The following MCPH1 variants were observed in gnomAD, a reference collection of about 807,000 sequenced individuals.
MCPH1 encodes microcephalin 1.
In MCPH1, 104 loss-of-function variants were observed where a neutral mutation model predicts 84.5. The ratio of observed to expected loss-of-function variants is 1.23; its 90% confidence interval spans 1.05 to 1.45. The LOEUF (loss-of-function observed/expected upper bound fraction) is 1.45. Among genes scored for constraint, MCPH1 ranks in the 40% most tolerant of loss-of-function variants. The probability of loss-of-function intolerance (pLI) is 0.00; values close to 1 mark genes in which losing one functional copy is unlikely to be tolerated. For synonymous variants in MCPH1, 514 were observed against 366.8 expected (o/e 1.40, Z -4.58); for missense variants, 1,498 against 1,005.7 (o/e 1.49, Z -6.62).
intron 8 of MCPH1, chr8:6,447,530 A>G (rs1804575928): frequency 1.5e-6 from 1 of 667,036 alleles, no homozygotes; most frequent in Non-Finnish European, 1.9e-6. Context: ...GCGAGAAACA[A>G]TTTTGGTTTT....
intron 13 of MCPH1, among the ~76,000 whole-genome samples, chr8:6,627,619 G>T (rs539563012): frequency 6.6e-6 from 1 of 152,196 alleles, no homozygotes; most frequent in Non-Finnish European, 1.5e-5. Flanking sequence ...AGCCAGGTGC[G>T]GTGGCCCATG....
intron 12 of MCPH1, among the ~76,000 whole-genome samples, chr8:6,581,631 T>G (rs1827573876): frequency 6.6e-6 from 1 of 152,220 alleles, no homozygotes; most frequent in East Asian, 1.9e-4. Flanking sequence ...GCAGACTGTG[T>G]GTGGCTAAAT....
At chr8:6,509,082 A>G (rs948286130) in intron 12 of MCPH1, 1 of 1,610,850 alleles carries the variant, frequency 6.2e-7, no homozygotes, top group Non-Finnish European at 8.5e-7. Context: ...TGCAAAGAAA[A>G]AAAACACATT....
At chr8:6,491,634 C>A (rs1236471282) in intron 11 of MCPH1, among the ~76,000 whole-genome samples, 6 of 152,046 alleles carry the variant, frequency 3.9e-5, no homozygotes, top group African/African-American at 1.2e-4. Flanking sequence ...ACTCCCCCGA[C>A]CCCACAACAG....
chr8:6,630,781 TAAAAAAAAAAAACAA>T (rs1797100626), intron 13 of MCPH1, among the ~76,000 whole-genome samples: 1 of 58,334 alleles, frequency 1.7e-5, no homozygotes, highest in Non-Finnish European at 3.5e-5. Context: ...AACTCTGTCC[TAAAAAAAAAAAACAA>T]AAAAAAAAAA....
At chr8:6,506,929 C>T (rs1436540604) in intron 12 of MCPH1, among the ~76,000 whole-genome samples, 1 of 151,868 alleles carries the variant, frequency 6.6e-6, no homozygotes, top group Non-Finnish European at 1.5e-5. Flanking sequence ...CGGAGTCTCA[C>T]TCTTGTCGTC....
At chr8:6,601,807 A>ACCCAATCACAT (rs1359063074) in intron 12 of MCPH1, among the ~76,000 whole-genome samples, 1 of 151,710 alleles carries the variant, frequency 6.6e-6, no homozygotes, top group African/African-American at 2.4e-5. Flanking sequence ...ACACACACAC[A>ACCCAATCACAT]AGCCTTTCCT....
intron 12 of MCPH1, among the ~76,000 whole-genome samples, chr8:6,566,695 C>T (rs1306690753): frequency 1.0e-4 from 15 of 149,678 alleles, no homozygotes; most frequent in African/African-American, 3.4e-4. Context: ...GGATAGTGAA[C>T]GTGGTGCGGT....
At chr8:6,594,381 G>A (rs1828759403) in intron 12 of MCPH1, among the ~76,000 whole-genome samples, 1 of 152,212 alleles carries the variant, frequency 6.6e-6, no homozygotes, top group African/African-American at 2.4e-5. Context: ...TCACTGCAGT[G>A]CAGCCCAGGG....
intron 12 of MCPH1, among the ~76,000 whole-genome samples, chr8:6,580,709 G>A (rs772505744): frequency 2.6e-5 from 4 of 152,144 alleles, no homozygotes; most frequent in Non-Finnish European, 4.4e-5. Context: ...AGAAGGACTC[G>A]GACAAATGTC....
intron 11 of MCPH1, among the ~76,000 whole-genome samples, chr8:6,485,876 A>G (rs1008029595): frequency 2.0e-5 from 3 of 151,922 alleles, no homozygotes; most frequent in Non-Finnish European, 2.9e-5. Flanking sequence ...AACCACGATG[A>G]CTCTCGCTGG....
chr8:6,426,822 A>G (rs150701282), intron 3 of MCPH1, among the ~76,000 whole-genome samples: 142 of 151,820 alleles, frequency 9.4e-4, no homozygotes, highest in Middle Eastern at 3.4e-3. Context: ...GTGGTATTTC[A>G]TGGTTTTTTT....
chr8:6,514,426 T>C (rs1216646602), intron 12 of MCPH1, among the ~76,000 whole-genome samples: 2 of 152,158 alleles, frequency 1.3e-5, no homozygotes, highest in Admixed American at 6.5e-5. Flanking sequence ...TGACCTCAGG[T>C]AATCCATCTG....
chr8:6,485,634 A>T (rs763968275), intron 11 of MCPH1, among the ~76,000 whole-genome samples: 6 of 152,052 alleles, frequency 3.9e-5, no homozygotes, highest in African/African-American at 1.4e-4. Flanking sequence ...TCACAAATGT[A>T]TGTCTGTATT....
chr8:6,497,328 AC>A (rs1443282046), intron 11 of MCPH1, among the ~76,000 whole-genome samples: 1 of 149,234 alleles, frequency 6.7e-6, no homozygotes, highest in East Asian at 1.9e-4. Flanking sequence ...CCAAAAAAAA[AC>A]AAAAAAAAAG....
intron 1 of MCPH1, 81 bp downstream of exon 1, chr8:6,406,770 C>T (rs985930062): frequency 6.6e-7 from 1 of 1,504,514 alleles, no homozygotes; most frequent in Non-Finnish European, 9.2e-7. Flanking sequence ...TCGGGGGATC[C>T]CGTGGGAGGA....
intron 12 of MCPH1, chr8:6,503,325 G>C (rs1465143170): frequency 6.4e-7 from 1 of 1,566,590 alleles, no homozygotes; most frequent in South Asian, 1.1e-5. Flanking sequence ...CACGAAGACA[G>C]CAATACTCAG....
chr8:6,473,797 G>C, intron 9 of MCPH1: 1 of 1,070,002 alleles, frequency 9.3e-7, no homozygotes, highest in South Asian at 2.1e-5. Context: ...GATGTCAGCA[G>C]AGAGATATCA....
chr8:6,484,109 T>G (rs1412419045), intron 11 of MCPH1, among the ~76,000 whole-genome samples: 1 of 152,166 alleles, frequency 6.6e-6, no homozygotes, highest in Non-Finnish European at 1.5e-5. Context: ...TTTTACTCTG[T>G]GAAAGATATT....
Sources: gnomAD v4.1 joint callset for allele counts (sites outside exome capture counted in the v4.1 genomes callset) on GRCh38, gnomAD v4.1.1 for gene constraint, MANE v1.5 for transcripts, NCBI Gene and HGNC (gene_info 2026-07-23, HGNC 2026-07-21) for gene names.